CD244: variants seen among roughly 807,000 people sequenced by gnomAD.
CD244 encodes the protein natural killer cell receptor 2B4.
In CD244, 20 loss-of-function variants were observed where a neutral mutation model predicts 45.5. That is an observed-to-expected ratio of 0.44 (90% CI 0.31 to 0.64). The LOEUF is 0.64. Among genes scored for constraint, CD244 ranks in the 30% least tolerant of loss-of-function variants. The pLI is 0.08. For missense variants in CD244, 407 were observed against 426.9 expected (o/e 0.95, Z 0.41); for synonymous variants, 185 against 160.5 (o/e 1.15, Z -1.15).
chr1:160,843,524 A>G (rs905384737), intron 1 of CD244, among the ~76,000 whole-genome samples: 40 of 152,326 alleles, frequency 2.6e-4, no homozygotes, highest in African/African-American at 9.4e-4. Context: ...CTTCATGTAT[A>G]AGGCATGATT....
chr1:160,856,291 G>A (rs946015146), intron 1 of CD244, among the ~76,000 whole-genome samples: 1 of 152,060 alleles, frequency 6.6e-6, no homozygotes, highest in Non-Finnish European at 1.5e-5. Flanking sequence ...TCTTCCTCAG[G>A]CAATGCAACT....
At chr1:160,860,397 A>G (rs927464363) in intron 1 of CD244, among the ~76,000 whole-genome samples, 1 of 152,150 alleles carries the variant, frequency 6.6e-6, no homozygotes, top group Non-Finnish European at 1.5e-5. Flanking sequence ...AACATGAGAA[A>G]CATAACAACT....
At chr1:160,838,558 C>T (rs1669413524) in intron 4 of CD244, 40 bp from the exon 5 acceptor site, 1 of 1,436,390 alleles carries the variant, frequency 7.0e-7, no homozygotes, top group African/African-American at 1.4e-5. Flanking sequence ...CTGCAGAAAC[C>T]TCCAGAAGGG....
chr1:160,845,380 A>G (rs491061), intron 1 of CD244, among the ~76,000 whole-genome samples: 85,994 of 152,046 alleles, frequency 0.57, 26,117 homozygotes, highest in African/African-American at 0.81. Flanking sequence ...AGGAGTGTAA[A>G]AGATATTTGA....
Position 160,848,223 on chromosome 1 carries a change from G to A in CD244, c.62-6322C>T, listed in dbSNP as rs374898078. On this transcript the variant is annotated intron_variant, in intron 1 of 8. Coordinates refer to ENST00000368034, the MANE Select transcript of CD244 (RefSeq NM_016382.4). ...GATGTTGACATCACACACCATAATGGCACTGGTGGCAAGTTCATCTATGGG... is the reference window on the plus strand; with the variant it reads ...GATGTTGACATCACACACCATAATGACACTGGTGGCAAGTTCATCTATGGG... 7 of 546,760 alleles carry A rather than the reference G, an allele frequency of 1.3e-5. No individual in the cohort carries two copies. The East Asian group carries it at 1.9e-4, about 15-fold the overall frequency. 33.9% of individuals were successfully genotyped at this position (546,760 alleles called of 1,614,324 possible).
At chr1:160,850,726 T>G (rs1221623756) in intron 1 of CD244, among the ~76,000 whole-genome samples, 1 of 152,220 alleles carries the variant, frequency 6.6e-6, no homozygotes, top group Non-Finnish European at 1.5e-5. Flanking sequence ...CACAGAAGAC[T>G]TCTGTGACCA....
chr1:160,860,723 G>A (rs1670268619), intron 1 of CD244, among the ~76,000 whole-genome samples: 3 of 152,216 alleles, frequency 2.0e-5, no homozygotes, highest in Admixed American at 1.3e-4. Context: ...GTGATAAAAT[G>A]TTAATTGGTG....
In CD244 at chr1:160,841,184, G is replaced by A. The variant is rs138423075; in HGVS notation, c.655+26C>T. 1.1e-4 allele frequency: 177 copies of A among 1,611,960 alleles called. No individual in the cohort carries two copies. The African/African-American group carries it at 2.0e-3, about 18-fold the overall frequency. ...TGCGGGGTCCAAACCTTCAGCGCTT[G>A]TTATAGCCCAGTGTGTTCCACTTAC... On this transcript the variant is annotated intron_variant, in intron 3 of 8. Transcript: ENST00000368034.
chr1:160,851,600 C>T (rs996862478), intron 1 of CD244, among the ~76,000 whole-genome samples: 2 of 152,226 alleles, frequency 1.3e-5, no homozygotes, highest in South Asian at 2.1e-4. Flanking sequence ...CAGGAAAAAG[C>T]ACAAGAGAAT....
intron 1 of CD244, among the ~76,000 whole-genome samples, chr1:160,857,612 G>A (rs764440343): frequency 7.2e-5 from 11 of 152,206 alleles, no homozygotes; most frequent in Non-Finnish European, 1.6e-4. Flanking sequence ...ATTTATGGAA[G>A]ACAGAGGAAG....
At chr1:160,833,334 A>G (rs570061442) in intron 7 of CD244, among the ~76,000 whole-genome samples, 147 of 152,306 alleles carry the variant, frequency 9.7e-4, no homozygotes, top group African/African-American at 3.4e-3. Context: ...CCTGACCTGC[A>G]TGGACTTCCA....
intron 1 of CD244, chr1:160,848,002 A>G (rs530089116): frequency 6.9e-5 from 18 of 261,368 alleles, no homozygotes; most frequent in Middle Eastern, 1.2e-3. Flanking sequence ...GTCTCTTGCT[A>G]TCAACCGTAG....
chr1:160,839,680 G>A (rs1194121124), intron 3 of CD244, among the ~76,000 whole-genome samples: 2 of 152,216 alleles, frequency 1.3e-5, no homozygotes, highest in African/African-American at 4.8e-5. Context: ...AACTGCACCT[G>A]TTTATGCCAG....
At chr1:160,862,553 G>A in intron 1 of CD244, 64 bp downstream of exon 1, 1 of 1,460,338 alleles carries the variant, frequency 6.8e-7, no homozygotes, top group Non-Finnish European at 9.6e-7. Context: ...CTCTGGCTCT[G>A]ATCTCCCTGA....
intron 1 of CD244, among the ~76,000 whole-genome samples, chr1:160,851,693 A>G (rs1669924480): frequency 6.6e-6 from 1 of 152,154 alleles, no homozygotes; most frequent in Admixed American, 6.5e-5. Flanking sequence ...TTGAGACCAG[A>G]TTATGAGACT....
intron 1 of CD244, among the ~76,000 whole-genome samples, chr1:160,853,004 C>A (rs1669973448): frequency 6.6e-6 from 1 of 151,900 alleles, no homozygotes; most frequent in Non-Finnish European, 1.5e-5. Context: ...GCCTGGGCAA[C>A]AAGAGTGAAA....
chr1:160,848,250 T>C (rs1669803673), intron 1 of CD244: 7 of 558,586 alleles, frequency 1.3e-5, no homozygotes, highest in Non-Finnish European at 2.1e-5. Context: ...ATCTATGGGG[T>C]GAAATTTGAT....
chr1:160,858,169 A>G (rs543776028), intron 1 of CD244, among the ~76,000 whole-genome samples: 1 of 150,212 alleles, frequency 6.7e-6, no homozygotes, highest in Non-Finnish European at 1.5e-5. Flanking sequence ...CCCAGGGTAC[A>G]TTGAATTCCA....
intron 1 of CD244, among the ~76,000 whole-genome samples, chr1:160,859,370 A>C (rs1670215111): frequency 6.6e-6 from 1 of 152,240 alleles, no homozygotes; most frequent in Non-Finnish European, 1.5e-5. Context: ...TGAAAGAAGA[A>C]GTCTTTGGAA....
Sources: allele counts gnomAD v4.1 joint callset (sites outside exome capture counted in the v4.1 genomes callset), GRCh38; gene constraint gnomAD v4.1.1; transcripts MANE v1.5; gene names NCBI Gene and HGNC (gene_info 2026-07-23, HGNC 2026-07-21).